MTA2: variants seen among roughly 807,000 people sequenced by gnomAD.
MTA2 encodes metastasis-associated protein MTA2.
Under a neutral mutation model 87.1 loss-of-function variants are expected in MTA2, and 22 were observed. The ratio of observed to expected loss-of-function variants is 0.25; its 90% CI spans 0.18 to 0.36. The LOEUF is 0.36. Ranked by LOEUF, MTA2 falls within the 10% of genes least tolerant of loss-of-function variation. MTA2 has a pLI of 1.00. For synonymous variants in MTA2, 314 were observed against 310.1 expected (o/e 1.01, Z -0.13); for missense variants, 542 against 853.2 (o/e 0.64, Z 4.54).
At position 62,595,780 on chromosome 11, in the gene MTA2, T is replaced by C; in HGVS notation, c.1226A>G (p.Gln409Arg). Residue 409 changes from glutamine to arginine, a missense_variant, in exon 13 of 18, where the codon CAG becomes CGG. Around this residue, in one of 6 missense-constraint regions of MTA2, gnomAD observed 269 missense variants for 346.4 expected, o/e 0.78. Coordinates refer to ENST00000278823, the MANE Select transcript of MTA2 (RefSeq NM_004739.4). The surrounding 1 kb of genome is among the most constrained non-coding windows in gnomAD (Gnocchi z 4.9). ...GGTGCCCCGAGTGGCCCCCTCAAGC[T>C]GAGTTGGGGTCTTCAGTCCCCCATA... ...KKYGGLKTPTQLEGATRGTTE... is the reference protein window; with the variant it reads ...KKYGGLKTPTRLEGATRGTTE... 1.2e-6 allele frequency: 2 copies of C among 1,614,184 alleles called. No homozygotes were observed. The highest frequency in any genetic ancestry group is 1.7e-6 in the Non-Finnish European group (2 of 1,180,034).
At position 62,594,353 on chromosome 11, in the gene MTA2, T is replaced by C; in HGVS notation, c.1747A>G (p.Ile583Val). 2.5e-6 allele frequency: 4 copies of C among 1,614,068 alleles called. No individual in the cohort carries two copies. Among genetic ancestry groups the C allele is most frequent in the Non-Finnish European group, 3.4e-6 (4 of 1,180,008 alleles). The change falls in exon 17 of 18, where the codon ATT (isoleucine) becomes GTT (valine). Residue 583 changes from isoleucine to valine, a missense_variant. By Grantham distance (29) the Ile-to-Val change is conservative. Transcript: ENST00000278823. The part of the protein sequence containing the change: ...SANGRPLASG[I>V]RSSSQPAAKR... Reference sequence around the variant, plus strand: ...GCTGCTGGCTGTGAGCTTGAACGAATCCCTGAAGCCAGAGGCCTTCCATTG... The same window carrying C: ...GCTGCTGGCTGTGAGCTTGAACGAACCCCTGAAGCCAGAGGCCTTCCATTG...
Position 62,601,628 on chromosome 11 carries a change from G to T in MTA2, c.-178C>A. ...GTCGCGGTTCATCCCGGCCCGCGCT[G>T]TCGCCGCCGCAGCTATCGCCTCACT... On this transcript the variant is annotated 5_prime_UTR_variant, in exon 1 of 18. Coordinates refer to ENST00000278823, the MANE Select transcript of MTA2 (RefSeq NM_004739.4). The T allele has an allele frequency of 4.6e-6, 3 of 648,472 alleles. No homozygotes were observed. Among genetic ancestry groups the T allele is most frequent in the African/African-American group, 1.9e-5 (1 of 51,460 alleles). 40.2% of individuals were successfully genotyped at this position (648,472 alleles called of 1,614,324 possible).
Position 62,597,607 on chromosome 11 carries a change from C to T in MTA2, c.593+3G>A, listed in dbSNP as rs1178677912. On this transcript the variant is annotated splice_donor_region_variant and intron_variant, in intron 7 of 17. Transcript: ENST00000278823. ...CCATCTTCCCTATCCACCCACCCCT[C>T]ACCGGGCCACCACAAGAAACTGGTC... The T allele has an allele frequency of 6.2e-7, 1 of 1,613,954 alleles. No homozygotes were observed. Among genetic ancestry groups the T allele is most frequent in the Non-Finnish European group, 8.5e-7 (1 of 1,179,864 alleles).
At chr11:62,594,114 G>A (rs1285115934) in intron 17 of MTA2, 74 bp from the exon 18 acceptor site, 1 of 1,549,128 alleles carries the variant, frequency 6.5e-7, no homozygotes, top group Non-Finnish European at 8.7e-7. Context: ...GCCCCACACT[G>A]CAATTATGCC....
intron 1 of MTA2, 105 bp downstream of exon 1, chr11:62,601,318 C>T: frequency 1.2e-5 from 17 of 1,410,278 alleles, no homozygotes; most frequent in South Asian, 8.6e-5. Context: ...CTCCGGTCCA[C>T]GCTGCCCCAT....
intron 8 of MTA2, 24 bp downstream of exon 8, chr11:62,597,292 A>C: frequency 6.4e-7 from 1 of 1,569,184 alleles, no homozygotes; most frequent in Non-Finnish European, 8.6e-7. Flanking sequence ...CAGCCTGCCC[A>C]ACTACCCACC....
In MTA2 at chr11:62,598,510, G is replaced by C. The variant is rs755809431; in HGVS notation, c.308+12C>G. ...GTGCACGCAGGCTATGCTGGCCCCA[G>C]TTGTCCTGTACCGTATGTGGGTGGC... On this transcript the variant is annotated intron_variant, in intron 4 of 17. Transcript: ENST00000278823. 13 of 1,612,990 alleles carry C rather than the reference G, an allele frequency of 8.1e-6. No individual in the cohort carries two copies. Among genetic ancestry groups the C allele is most frequent in the Middle Eastern group, 1.6e-4 (1 of 6,082 alleles).
chr11:62,596,305 T>C lies in MTA2; in HGVS notation c.990A>G (p.Lys330=). 1.2e-6 allele frequency: 2 copies of C among 1,614,156 alleles called. No homozygotes were observed. The highest frequency in any genetic ancestry group is 1.7e-6 in the Non-Finnish European group (2 of 1,180,032). The change falls in exon 11 of 18, where the codon AAA becomes AAG. Residue 330 remains lysine (K), a synonymous_variant. Transcript: ENST00000278823. ...AGGTGGGAATGTAGACCTGTTTCAG[T>C]TTGCTGTCTGCTTCAGCAGCTTTCA... ...KRLKAAEADS[K]LKQVYIPTYT...
In MTA2 at chr11:62,600,574, A is replaced by G. The variant is rs370877104; in HGVS notation, c.96+48T>C. 27 of 1,550,582 alleles carry G rather than the reference A, an allele frequency of 1.7e-5. No homozygotes were observed. In the African/African-American group the frequency reaches 3.7e-4, roughly 21 times the overall value. ...TCTTCCACCAGAAGTTAGAAACCTC[A>G]GAAGAGACCACTGCGGGAGGGAGGG... On this transcript the variant is annotated intron_variant, in intron 2 of 17. Transcript: ENST00000278823.
chr11:62,594,619 A>T lies in MTA2; in HGVS notation c.1589T>A (p.Leu530Gln), dbSNP rs750542562. 1.2e-6 allele frequency: 2 copies of T among 1,613,880 alleles called. No homozygotes were observed. Among genetic ancestry groups the T allele is most frequent in the Admixed American group, 3.3e-5 (2 of 59,960 alleles). The part of the protein sequence containing the change: ...IVKDLVAQAP[L>Q]KPKTPRGTKT... ...GGTACCCCGAGGTGTTTTTGGTTTC[A>T]GGGGTGCCTGGGCCACTGGAAAAAA... Residue 530 changes from leucine (L) to glutamine (Q), a missense_variant, in exon 16 of 18, where the codon CTG (leucine) becomes CAG (glutamine). Around this residue, in one of 6 missense-constraint regions of MTA2, gnomAD observed 269 missense variants for 346.4 expected, o/e 0.78. Transcript: ENST00000278823.
chr11:62,596,242 G>A, intron 11 of MTA2, 37 bp downstream of exon 11: 3 of 1,611,234 alleles, frequency 1.9e-6, no homozygotes, highest in Non-Finnish European at 2.5e-6. Flanking sequence ...GGGAAGGGAA[G>A]GAAAACACTC....
In MTA2 at chr11:62,594,372, T is replaced by C. The variant is rs1416558095; in HGVS notation, c.1728A>G (p.Gly576=). The C allele has an allele frequency of 6.2e-7, 1 of 1,614,200 alleles. No individual in the cohort carries two copies. Among genetic ancestry groups the C allele is most frequent in the South Asian group, 1.1e-5 (1 of 91,086 alleles). Residue 576 remains glycine, a synonymous_variant, in exon 17 of 18, where the codon GGA becomes GGG. Coordinates refer to ENST00000278823, the MANE Select transcript of MTA2 (RefSeq NM_004739.4). ...AACGAATCCCTGAAGCCAGAGGCCT[T>C]CCATTGGCAGAGAAAGGAACCCCTG... ...AGAGVPFSAN[G]RPLASGIRSS... is the part of the protein sequence containing the mutation.
chr11:62,600,434 C>T (rs1336989474), intron 2 of MTA2, 175 bp from the exon 3 acceptor site: 1 of 806,710 alleles, frequency 1.2e-6, no homozygotes, highest in Non-Finnish European at 2.0e-6. Flanking sequence ...AATCCCTTTC[C>T]TTTGCCCCCA....
intron 16 of MTA2, 36 bp from the exon 17 acceptor site, chr11:62,594,443 G>C (rs1180521991): frequency 1.2e-6 from 2 of 1,613,764 alleles, no homozygotes; most frequent in Non-Finnish European, 1.7e-6. Context: ...TGAGGGAAGG[G>C]ACCCTCTCAG....
Position 62,595,519 on chromosome 11 carries a change from A to C in MTA2, c.1255-27T>G, listed in dbSNP as rs1158103267. Reference sequence around the variant, plus strand: ...TAGAAGAAGAGCATAGGAAAGAGAGAGAGCAGAAATCAGCACTGAGGCTCC... The same window carrying C: ...TAGAAGAAGAGCATAGGAAAGAGAGCGAGCAGAAATCAGCACTGAGGCTCC... On this transcript the variant is annotated intron_variant, in intron 13 of 17. Transcript: ENST00000278823. This position sits in a 1 kb window ranked among gnomAD's most constrained non-coding sequence, Gnocchi z 4.9. 1.2e-6 allele frequency: 2 copies of C among 1,611,426 alleles called. No homozygotes were observed. The highest frequency in any genetic ancestry group is 1.7e-6 in the Non-Finnish European group (2 of 1,177,804).
chr11:62,598,743 T>G, intron 3 of MTA2, 104 bp from the exon 4 acceptor site: 1 of 1,045,262 alleles, frequency 9.6e-7, no homozygotes, highest in East Asian at 2.4e-5. Context: ...GGCTGTTTTT[T>G]TCTCACATTT....
chr11:62,600,940 T>TC, intron 1 of MTA2: 2 of 513,930 alleles, frequency 3.9e-6, no homozygotes, highest in Non-Finnish European at 6.9e-6. Flanking sequence ...AAGCAGGGGT[T>TC]CCCCTGCAGT....
At chr11:62,600,940 T>G in intron 1 of MTA2, 1 of 513,930 alleles carries the variant, frequency 1.9e-6, no homozygotes, top group Non-Finnish European at 3.5e-6. Flanking sequence ...AAGCAGGGGT[T>G]CCCCTGCAGT....
intron 1 of MTA2, 108 bp downstream of exon 1, chr11:62,601,315 C>T: frequency 7.2e-7 from 1 of 1,385,036 alleles, no homozygotes; most frequent in South Asian, 1.2e-5. Flanking sequence ...GCGCTCCGGT[C>T]CACGCTGCCC....
Sources: allele counts gnomAD v4.1 joint callset, GRCh38; gene constraint gnomAD v4.1.1; regional missense constraint gnomAD v4.1.1; non-coding constraint Gnocchi (gnomAD v3.1); transcripts MANE v1.5; gene names NCBI Gene and HGNC (gene_info 2026-07-23, HGNC 2026-07-21).